The following CPED1 variants were observed in gnomAD, a reference collection of about 807,000 sequenced individuals.
CPED1 encodes cadherin-like and PC-esterase domain-containing protein 1.
CPED1 carries 114 observed loss-of-function variants against 128.2 expected under a neutral mutation model. The observed-to-expected ratio is 0.89, with a 90% CI of 0.76 to 1.04. CPED1 has a LOEUF of 1.04. Among genes scored for constraint, CPED1 ranks in the 50% least tolerant of loss-of-function variants. The pLI is 0.00. For missense variants in CPED1, 1,211 were observed against 1,207.1 expected (o/e 1.00, Z -0.05); for synonymous variants, 462 against 426.7 (o/e 1.08, Z -1.02).
intron 16 of CPED1, among the ~76,000 whole-genome samples, chr7:121,171,092 A>C (rs949113228): frequency 3.3e-5 from 5 of 151,776 alleles, no homozygotes; most frequent in Non-Finnish European, 5.9e-5. Context: ...TCAAAAGGAG[A>C]TCTTCATGTC....
At chr7:121,154,981 T>C (rs1372687412) in intron 16 of CPED1, among the ~76,000 whole-genome samples, 4 of 152,178 alleles carry the variant, frequency 2.6e-5, no homozygotes, top group Admixed American at 1.3e-4. Context: ...TCCTAAATAC[T>C]CTATCAAAAA....
At chr7:121,187,275 G>A (rs995710872) in intron 16 of CPED1, among the ~76,000 whole-genome samples, 1 of 152,202 alleles carries the variant, frequency 6.6e-6, no homozygotes, top group African/African-American at 2.4e-5. Flanking sequence ...ATCTCACTGC[G>A]AAGGGTGTAT....
At chr7:121,077,049 C>T (rs1452073657) in intron 5 of CPED1, among the ~76,000 whole-genome samples, 3 of 152,028 alleles carry the variant, frequency 2.0e-5, no homozygotes, top group Admixed American at 2.0e-4. Context: ...CTCCTGGTGG[C>T]CCCTGGAGAC....
chr7:121,189,103 C>T (rs984885810), intron 16 of CPED1, among the ~76,000 whole-genome samples: 2 of 152,116 alleles, frequency 1.3e-5, no homozygotes, highest in Admixed American at 6.6e-5. Flanking sequence ...GACATATTAT[C>T]ACATAATGGT....
At chr7:120,994,753 G>A (rs1796367323) in intron 2 of CPED1, among the ~76,000 whole-genome samples, 1 of 151,888 alleles carries the variant, frequency 6.6e-6, no homozygotes, top group South Asian at 2.1e-4. Context: ...ACATGATAAG[G>A]AGTCTGGATT....
At chr7:121,191,142 G>A (rs1797127645) in intron 16 of CPED1, among the ~76,000 whole-genome samples, 1 of 152,040 alleles carries the variant, frequency 6.6e-6, no homozygotes, top group Admixed American at 6.6e-5. Context: ...GTGCTTGGGG[G>A]AAAAAAGTAA....
At chr7:121,113,250 G>T (rs922525234) in intron 7 of CPED1, among the ~76,000 whole-genome samples, 1 of 152,146 alleles carries the variant, frequency 6.6e-6, no homozygotes, top group Non-Finnish European at 1.5e-5. Flanking sequence ...CCTACTATGT[G>T]CTGGGCCATG....
At chr7:121,225,011 T>C (rs1245219538) in intron 16 of CPED1, among the ~76,000 whole-genome samples, 11 of 152,264 alleles carry the variant, frequency 7.2e-5, no homozygotes, top group Non-Finnish European at 1.6e-4. Context: ...TTGGAGCCTG[T>C]CATTATGATG....
intron 2 of CPED1, among the ~76,000 whole-genome samples, chr7:121,010,243 AT>A (rs942917300): frequency 6.6e-6 from 1 of 151,308 alleles, no homozygotes; most frequent in East Asian, 1.9e-4. Flanking sequence ...TTGGGAATAC[AT>A]TTTTTTTTAA....
intron 16 of CPED1, among the ~76,000 whole-genome samples, chr7:121,221,184 A>G (rs1024652880): frequency 2.0e-5 from 3 of 152,006 alleles, no homozygotes; most frequent in Admixed American, 6.6e-5. Context: ...TCATTGTTCA[A>G]TTCCCACCTA....
chr7:121,264,478 T>C (rs181662461), intron 18 of CPED1, among the ~76,000 whole-genome samples: 25 of 152,214 alleles, frequency 1.6e-4, no homozygotes, highest in Admixed American at 1.3e-3. Flanking sequence ...AGAGGATCTA[T>C]GACTGAGTCC....
chr7:121,287,784 T>C (rs1261158410), intron 22 of CPED1, among the ~76,000 whole-genome samples: 4 of 152,226 alleles, frequency 2.6e-5, no homozygotes, highest in Non-Finnish European at 5.9e-5. Context: ...TGTCTGCATT[T>C]GTTCATGTGC....
chr7:121,176,193 G>GA (rs34712656), intron 16 of CPED1, among the ~76,000 whole-genome samples: 59 of 62,018 alleles, frequency 9.5e-4, no homozygotes, highest in African/African-American at 3.7e-3. Flanking sequence ...CTCCCCGCTG[G>GA]AAAAAAAAAA....
chr7:121,078,091 G>C (rs1218642165), intron 5 of CPED1, among the ~76,000 whole-genome samples: 1 of 151,876 alleles, frequency 6.6e-6, no homozygotes, highest in African/African-American at 2.4e-5. Context: ...CTCTCGCCAG[G>C]CTGGAGTACA....
chr7:121,045,836 A>AT (rs149348158), intron 3 of CPED1, among the ~76,000 whole-genome samples: 3,817 of 152,200 alleles, frequency 0.025, 149 homozygotes, highest in African/African-American at 0.087. Context: ...TTTCCTGGTT[A>AT]TTTTTGAGAT....
intron 7 of CPED1, among the ~76,000 whole-genome samples, chr7:121,108,203 T>C (rs13226812): frequency 6.6e-6 from 1 of 152,010 alleles, no homozygotes. Flanking sequence ...GGAGCATTTT[T>C]CCCCCATTGG....
At chr7:121,095,701 A>ATAGC (rs1466658225) in intron 5 of CPED1, among the ~76,000 whole-genome samples, 1 of 152,128 alleles carries the variant, frequency 6.6e-6, no homozygotes, top group Non-Finnish European at 1.5e-5. Flanking sequence ...AGTTTCATGT[A>ATAGC]TAGCTCCACT....
chr7:121,003,517 G>A (rs918496598), intron 2 of CPED1, among the ~76,000 whole-genome samples: 2 of 152,040 alleles, frequency 1.3e-5, no homozygotes, highest in African/African-American at 4.8e-5. Context: ...TTAGATATTG[G>A]CATTTCCTGC....
rs1012963558 is a variant in CPED1, at chr7:121,289,773, T to G, written c.2869-5667T>G. On this transcript the variant is annotated intron_variant, in intron 22 of 22. Coordinates refer to ENST00000310396, the MANE Select transcript of CPED1 (RefSeq NM_024913.5). ...AAAGTATTTTATAATTGCATTAAAA[T>G]GATGAAATTCATAATTTGTTATTCT... 2.0e-5 allele frequency among the ~76,000 whole-genome samples: 3 copies of G among 152,222 alleles called. No individual in the cohort carries two copies. In the South Asian group the frequency reaches 6.2e-4, roughly 32 times the overall value.
Sources: allele counts gnomAD v4.1 joint callset (sites outside exome capture counted in the v4.1 genomes callset), GRCh38; gene constraint gnomAD v4.1.1; transcripts MANE v1.5; gene names NCBI Gene and HGNC (gene_info 2026-07-23, HGNC 2026-07-21).